Variants in COL23A1 observed in about 807,000 individuals in gnomAD.
COL23A1 encodes collagen alpha-1(XXIII) chain.
A neutral mutation model predicts 99.3 loss-of-function variants in COL23A1; 97 were observed. That is an observed-to-expected ratio of 0.98 (90% CI 0.83 to 1.16). COL23A1 has a LOEUF of 1.16. Ranked by LOEUF, COL23A1 falls within the 50% of genes most tolerant of loss-of-function variation. COL23A1 has a pLI of 0.00. For synonymous variants in COL23A1, 320 were observed against 308.2 expected (o/e 1.04, Z -0.40); for missense variants, 762 against 757.4 (o/e 1.01, Z -0.07).
intron 5 of COL23A1, 99 bp from the exon 6 acceptor site, chr5:178,270,462 G>A (rs1016617496): frequency 7.1e-7 from 1 of 1,412,316 alleles, no homozygotes; most frequent in East Asian, 2.4e-5. Context: ...AGAAAACAAA[G>A]CCTGTGGGAG....
chr5:178,562,446 C>T (rs1762621447), intron 1 of COL23A1, among the ~76,000 whole-genome samples: 2 of 150,708 alleles, frequency 1.3e-5, no homozygotes, highest in Admixed American at 6.6e-5. Context: ...CCCAGCTTAC[C>T]CCAGAGGCTG....
chr5:178,534,030 T>A (rs1760798323), intron 2 of COL23A1, among the ~76,000 whole-genome samples: 1 of 152,180 alleles, frequency 6.6e-6, no homozygotes, highest in Non-Finnish European at 1.5e-5. Flanking sequence ...TCCCACAGGC[T>A]ACAAATAACC....
chr5:178,574,823 A>G (rs1216822708), intron 1 of COL23A1, among the ~76,000 whole-genome samples: 1 of 152,220 alleles, frequency 6.6e-6, no homozygotes. Flanking sequence ...TGAGGACACC[A>G]TCCACCTGAC....
intron 2 of COL23A1, among the ~76,000 whole-genome samples, chr5:178,473,839 AAAG>A (rs1324405091): frequency 6.6e-6 from 1 of 152,196 alleles, no homozygotes; most frequent in Non-Finnish European, 1.5e-5. Context: ...GTTGCTTTAA[AAAG>A]AAGCACTTTG....
chr5:178,447,002 T>C (rs6886832), intron 2 of COL23A1, among the ~76,000 whole-genome samples: 16,017 of 152,188 alleles, frequency 0.11, 1,909 homozygotes, highest in East Asian at 0.36. Flanking sequence ...TAAAAAGTAA[T>C]GATGGCTGTT....
intron 2 of COL23A1, among the ~76,000 whole-genome samples, chr5:178,323,045 G>A: frequency 6.6e-6 from 1 of 152,158 alleles, no homozygotes; most frequent in Non-Finnish European, 1.5e-5. Flanking sequence ...AGGACGGGGT[G>A]GAGGATGTGG....
intron 2 of COL23A1, among the ~76,000 whole-genome samples, chr5:178,412,229 ATTC>A (rs1765091867): frequency 6.6e-6 from 1 of 152,236 alleles, no homozygotes; most frequent in Admixed American, 6.5e-5. Flanking sequence ...ATGATATATT[ATTC>A]TTTGAAAATA....
At chr5:178,563,691 C>T (rs1762715897) in intron 1 of COL23A1, among the ~76,000 whole-genome samples, 1 of 151,862 alleles carries the variant, frequency 6.6e-6, no homozygotes, top group African/African-American at 2.4e-5. Context: ...ACCACCACAC[C>T]CAGCTAATTT....
chr5:178,345,716 A>G (rs59371872), intron 2 of COL23A1, among the ~76,000 whole-genome samples: 21,740 of 151,140 alleles, frequency 0.14, 1,727 homozygotes, highest in Middle Eastern at 0.22. Context: ...CAGTAGAGAC[A>G]GGGTTTCACC....
chr5:178,486,263 A>T (rs1247875155), intron 2 of COL23A1, among the ~76,000 whole-genome samples: 1 of 152,212 alleles, frequency 6.6e-6, no homozygotes, highest in Non-Finnish European at 1.5e-5. Context: ...GACGGTTGTC[A>T]GTGGGTGACG....
At chr5:178,576,885 T>G (rs1253878597) in intron 1 of COL23A1, among the ~76,000 whole-genome samples, 1 of 151,656 alleles carries the variant, frequency 6.6e-6, no homozygotes, top group Non-Finnish European at 1.5e-5. Context: ...TGGGTTCGGC[T>G]TTGGACCAGG....
chr5:178,357,884 C>CGT lies in COL23A1; in HGVS notation c.362-50967_362-50966dup, dbSNP rs141271227. ...GTATGTATATGTGTGTGCATGTGTA[C>CGT]GTGTGTGTGTATGTGTGTCTAATGT... On this transcript the variant is annotated intron_variant, in intron 2 of 28. Transcript: ENST00000390654. Among the ~76,000 whole-genome samples the CGT allele has an allele frequency of 1.6e-3, 194 of 122,072 alleles. 1 individual carries two copies. The highest frequency in any genetic ancestry group is 6.1e-3 in the African/African-American group (190 of 30,950). 80.1% of individuals were successfully genotyped at this position (122,072 alleles called of 152,430 possible).
At chr5:178,288,529 C>T in intron 4 of COL23A1, 179 bp from the exon 5 acceptor site, 1 of 669,088 alleles carries the variant, frequency 1.5e-6, no homozygotes, top group Non-Finnish European at 2.7e-6. Context: ...CCCTTTCCTG[C>T]CTCAGAGGGC....
intron 2 of COL23A1, among the ~76,000 whole-genome samples, chr5:178,354,031 C>T (rs1761484554): frequency 6.6e-6 from 1 of 151,936 alleles, no homozygotes; most frequent in Admixed American, 6.5e-5. Flanking sequence ...CCTAAAACAC[C>T]CTGCCCGGGA....
At chr5:178,429,773 C>T (rs934753884) in intron 2 of COL23A1, among the ~76,000 whole-genome samples, 8 of 152,174 alleles carry the variant, frequency 5.3e-5, no homozygotes, top group African/African-American at 1.9e-4. Flanking sequence ...CCCTCTATGG[C>T]TCCCCATGGC....
chr5:178,562,610 T>C (rs1762636732), intron 1 of COL23A1: 1 of 147,594 alleles, frequency 6.8e-6, no homozygotes, highest in Admixed American at 6.7e-5. Context: ...TCCTGGTGAG[T>C]GTTACAGCTC....
intron 2 of COL23A1, among the ~76,000 whole-genome samples, chr5:178,394,936 C>CTCCTGCCCAGGACTGTTTGGCGTGG (rs1764152287): frequency 7.9e-6 from 1 of 126,108 alleles, no homozygotes; most frequent in African/African-American, 3.2e-5. Flanking sequence ...GCGCTCTGGG[C>CTCCTGCCCAGGACTGTTTGGCGTGG]ATTCGGCTCT....
intron 2 of COL23A1, among the ~76,000 whole-genome samples, chr5:178,425,470 A>AAAT (rs1765875285): frequency 6.8e-6 from 1 of 146,248 alleles, no homozygotes; most frequent in Admixed American, 7.0e-5. Flanking sequence ...AATAAATAAA[A>AAAT]ATAAAATAAA....
At chr5:178,580,386 C>T (rs1291649331) in intron 1 of COL23A1, among the ~76,000 whole-genome samples, 2 of 150,434 alleles carry the variant, frequency 1.3e-5, no homozygotes, top group African/African-American at 2.4e-5. Context: ...GCCCAGGACA[C>T]ACATGGGACG....
Sources: allele counts gnomAD v4.1 joint callset (sites outside exome capture counted in the v4.1 genomes callset), GRCh38; gene constraint gnomAD v4.1.1; transcripts MANE v1.5; gene names NCBI Gene and HGNC (gene_info 2026-07-23, HGNC 2026-07-21).